Variants in KLF12 observed in about 807,000 individuals in gnomAD.
KLF12 encodes Krueppel-like factor 12.
A neutral mutation model predicts 37.8 loss-of-function variants in KLF12; 9 were observed. The ratio of observed to expected loss-of-function variants is 0.24; its 90% CI spans 0.14 to 0.42. The LOEUF (loss-of-function observed/expected upper bound fraction) is 0.42, where lower values mean the gene tolerates loss of function less well. Ranked by LOEUF, KLF12 falls within the 10% of genes least tolerant of loss-of-function variation. The probability of loss-of-function intolerance (pLI) is 1.00; values close to 1 mark genes in which losing one functional copy is unlikely to be tolerated. For synonymous variants in KLF12, 208 were observed against 202.1 expected (o/e 1.03, Z -0.25); for missense variants, 411 against 516.0 (o/e 0.80, Z 1.97).
the KLF12 span, among the ~76,000 whole-genome samples, chr13:74,191,853 C>T: frequency 3.9e-5 from 6 of 151,984 alleles, no homozygotes; most frequent in Non-Finnish European, 5.9e-5. Context: ...TGTAAATATA[C>T]GTATATATTT....
At chr13:74,289,553 C>G in the KLF12 span, among the ~76,000 whole-genome samples, 1 of 152,110 alleles carries the variant, frequency 6.6e-6, no homozygotes, top group Non-Finnish European at 1.5e-5. Context: ...ATTCTGTATT[C>G]TTTTGTCATT....
At position 73,870,148 on chromosome 13, in the gene KLF12, A is replaced by C. The variant is rs146496070; in HGVS notation, c.124-23775T>G. 7.9e-5 allele frequency among the ~76,000 whole-genome samples: 12 copies of C among 152,100 alleles called. 1 individual carries two copies. In the East Asian group the frequency reaches 2.3e-3, roughly 29 times the overall value. On this transcript the variant is annotated intron_variant, in intron 3 of 7. Transcript: ENST00000377669. The stretch of plus-strand genomic sequence containing the variant: ...TTTACAAGCTCCAATATAAATTCTC[A>C]TTTTCCCCAGGTTGCCATCACTGTG...
the KLF12 span, among the ~76,000 whole-genome samples, chr13:74,163,883 A>C: frequency 8.6e-6 from 1 of 116,348 alleles, no homozygotes; most frequent in African/African-American, 2.8e-5. Context: ...AATTTTAAAA[A>C]TAATTTAAAA....
chr13:74,129,029 T>C (rs1878109847), intron 1 of KLF12, among the ~76,000 whole-genome samples: 3 of 152,284 alleles, frequency 2.0e-5, no homozygotes, highest in African/African-American at 7.2e-5. Flanking sequence ...GATGAATATA[T>C]ATGTATATAC....
intron 7 of KLF12, among the ~76,000 whole-genome samples, chr13:73,699,184 G>GCCCCCCCA (rs1874361377): frequency 7.8e-6 from 1 of 128,944 alleles, no homozygotes; most frequent in Non-Finnish European, 1.6e-5. Flanking sequence ...AATACAGTGA[G>GCCCCCCCA]CCCCCCCACC....
intron 3 of KLF12, among the ~76,000 whole-genome samples, chr13:73,868,745 A>G (rs563369612): frequency 6.6e-6 from 1 of 152,322 alleles, no homozygotes; most frequent in African/African-American, 2.4e-5. Context: ...TTTAAATTCT[A>G]AAAAACAGAA....
At chr13:73,800,305 G>A (rs894728675) in intron 5 of KLF12, 4 of 151,930 alleles carry the variant, frequency 2.6e-5, no homozygotes, top group Non-Finnish European at 4.4e-5. Flanking sequence ...TAGCTGTTAC[G>A]GATTTTAAAA....
intron 1 of KLF12, among the ~76,000 whole-genome samples, chr13:74,073,753 C>A (rs1187485177): frequency 6.6e-6 from 1 of 152,060 alleles, no homozygotes; most frequent in East Asian, 1.9e-4. Flanking sequence ...AGGGAAGAAC[C>A]CCAAAGACTA....
At chr13:73,891,463 T>C (rs987111771) in intron 3 of KLF12, among the ~76,000 whole-genome samples, 1 of 152,078 alleles carries the variant, frequency 6.6e-6, no homozygotes, top group African/African-American at 2.4e-5. Flanking sequence ...ATTGATATAT[T>C]TAGTAACTCA....
chr13:74,003,348 T>G (rs1204958436), intron 1 of KLF12, among the ~76,000 whole-genome samples: 1 of 152,156 alleles, frequency 6.6e-6, no homozygotes. Flanking sequence ...TGTGAAAATA[T>G]GCATAACTTA....
intron 2 of KLF12, among the ~76,000 whole-genome samples, chr13:73,969,337 A>G (rs1891263573): frequency 6.6e-6 from 1 of 152,198 alleles, no homozygotes; most frequent in Non-Finnish European, 1.5e-5. Context: ...GTTATCTACA[A>G]TCCCCTACCA....
intron 2 of KLF12, among the ~76,000 whole-genome samples, chr13:73,944,497 A>G (rs1890334194): frequency 6.6e-6 from 1 of 152,224 alleles, no homozygotes. Flanking sequence ...AAACTCTCAT[A>G]TTAGTCAAAG....
chr13:73,802,514 T>A (rs968746747), intron 5 of KLF12, among the ~76,000 whole-genome samples: 11 of 152,146 alleles, frequency 7.2e-5, no homozygotes, highest in Non-Finnish European at 1.3e-4. Flanking sequence ...ATGTGCAGAT[T>A]TGTTACCTGG....
chr13:73,920,672 C>A (rs868288868), intron 3 of KLF12, among the ~76,000 whole-genome samples: 1 of 152,116 alleles, frequency 6.6e-6, no homozygotes, highest in Admixed American at 6.6e-5. Flanking sequence ...GGCAACAGTT[C>A]TCTGTCCTTT....
chr13:73,792,457 T>C (rs1881743704), intron 5 of KLF12, among the ~76,000 whole-genome samples: 1 of 152,236 alleles, frequency 6.6e-6, no homozygotes, highest in Non-Finnish European at 1.5e-5. Context: ...AATCAAGATT[T>C]ACTGAAATTC....
chr13:74,049,183 A>T (rs1296532379), intron 1 of KLF12, among the ~76,000 whole-genome samples: 1 of 152,232 alleles, frequency 6.6e-6, no homozygotes, highest in African/African-American at 2.4e-5. Context: ...CTCCACTGAG[A>T]GACTCCATAG....
At chr13:73,997,001 G>A (rs531982028) in intron 1 of KLF12, among the ~76,000 whole-genome samples, 25 of 152,290 alleles carry the variant, frequency 1.6e-4, no homozygotes, top group Middle Eastern at 3.4e-3. Flanking sequence ...ATGGCTCTTC[G>A]TGGTTTGTCA....
chr13:73,910,668 A>G lies in KLF12; in HGVS notation c.123+33313T>C, dbSNP rs555173687. On this transcript the variant is annotated intron_variant, in intron 3 of 7. Transcript: ENST00000377669. ...AGATCTATGGCACAACAGGCTGACA[A>G]TCATTAATAATAATGCACTGAATAT... Among the ~76,000 whole-genome samples, 12 of 152,314 alleles carry G rather than the reference A, an allele frequency of 7.9e-5. No homozygotes were observed. In the East Asian group the frequency reaches 1.9e-3, roughly 24 times the overall value.
At position 73,865,608 on chromosome 13, in the gene KLF12, C is replaced by T. The variant is rs180742117; in HGVS notation, c.124-19235G>A. ...TTACAAAATATTTCAGAATACTATC[C>T]CAAATTACTTAAAACTAAAAGTAGA... On this transcript the variant is annotated intron_variant, in intron 3 of 7. Coordinates refer to ENST00000377669, the MANE Select transcript of KLF12 (RefSeq NM_007249.5). Among the ~76,000 whole-genome samples the T allele has an allele frequency of 6.0e-3, 906 of 151,928 alleles. 6 individuals are homozygous for T. The highest frequency in any genetic ancestry group is 7.3e-3 in the Non-Finnish European group (498 of 67,948).
Sources: allele counts gnomAD v4.1 joint callset (sites outside exome capture counted in the v4.1 genomes callset), GRCh38; gene constraint gnomAD v4.1.1; transcripts MANE v1.5; gene names NCBI Gene and HGNC (gene_info 2026-07-23, HGNC 2026-07-21).